The following KANK1 variants were observed in gnomAD, a reference collection of about 807,000 sequenced individuals.
KANK1 encodes the protein KN motif and ankyrin repeat domain-containing protein 1.
Under a neutral mutation model 106.2 loss-of-function variants are expected in KANK1, and 109 were observed. The ratio of observed to expected loss-of-function variants is 1.03; its 90% CI spans 0.88 to 1.20. The LOEUF is 1.20. KANK1 is among the 50% of genes most tolerant of loss of function. The pLI, the probability that KANK1 is intolerant of heterozygous loss-of-function variation, is 0.00. For missense variants in KANK1, 2,399 were observed against 1,710.7 expected, an observed-to-expected ratio of 1.40 and a Z score of -7.10; for synonymous variants, 873 against 652.2, an observed-to-expected ratio of 1.34 and a Z score of -5.16.
chr9:716,259 G>A (rs1589146950), intron 3 of KANK1, among the ~76,000 whole-genome samples: 1 of 152,316 alleles, frequency 6.6e-6, no homozygotes, highest in East Asian at 1.9e-4. Context: ...TTCCTTCACA[G>A]GGTTGTAATG....
intron 1 of KANK1, among the ~76,000 whole-genome samples, chr9:648,391 C>T (rs1840181762): frequency 6.6e-6 from 1 of 152,142 alleles, no homozygotes; most frequent in Non-Finnish European, 1.5e-5. Flanking sequence ...TATTTAAAAA[C>T]TATGCCGTAT....
chr9:597,283 T>C (rs897067782), intron 1 of KANK1, among the ~76,000 whole-genome samples: 15 of 151,868 alleles, frequency 9.9e-5, no homozygotes, highest in Non-Finnish European at 1.5e-4. Context: ...TGTAACCTTT[T>C]TGCAAAACTG....
At chr9:475,061 A>G (rs1459126970) in intron 3 of KANK1, among the ~76,000 whole-genome samples, 4 of 152,172 alleles carry the variant, frequency 2.6e-5, no homozygotes, top group Non-Finnish European at 4.4e-5. Context: ...AGCCAGCACC[A>G]GGGAAAGGCA....
intron 1 of KANK1, among the ~76,000 whole-genome samples, chr9:648,774 G>A (rs1393435592): frequency 6.6e-6 from 1 of 152,146 alleles, no homozygotes; most frequent in Admixed American, 6.5e-5. Context: ...CAATGCATGT[G>A]AAAACACTGT....
At chr9:691,768 C>T (rs1025886481) in intron 2 of KANK1, among the ~76,000 whole-genome samples, 17 of 143,316 alleles carry the variant, frequency 1.2e-4, no homozygotes, top group African/African-American at 4.1e-4. Context: ...GGCAAGCCAG[C>T]ACACCTAGCT....
At chr9:504,834 C>T (rs1338374133) in intron 1 of KANK1, 80 bp downstream of exon 1, 1 of 125,648 alleles carries the variant, frequency 8.0e-6, no homozygotes, top group Non-Finnish European at 1.7e-5. Flanking sequence ...ACCCCTGCCT[C>T]GGGCTGGCCC....
At chr9:552,191 G>A (rs1454506049) in intron 1 of KANK1, among the ~76,000 whole-genome samples, 1 of 152,192 alleles carries the variant, frequency 6.6e-6, no homozygotes, top group Non-Finnish European at 1.5e-5. Context: ...TGCTCTGAGG[G>A]GGAAAAGCGG....
At chr9:633,284 A>G (rs1005646769) in intron 1 of KANK1, among the ~76,000 whole-genome samples, 7 of 152,032 alleles carry the variant, frequency 4.6e-5, no homozygotes, top group South Asian at 2.1e-4. Flanking sequence ...GTGAAATCGC[A>G]TCTCTACTAA....
chr9:642,442 A>G (rs1838689699), intron 1 of KANK1, among the ~76,000 whole-genome samples: 2 of 151,028 alleles, frequency 1.3e-5, no homozygotes, highest in South Asian at 2.1e-4. Flanking sequence ...AAAAACTACA[A>G]GAAGAGTAGA....
chr9:590,367 A>G (rs1824546842), intron 1 of KANK1, among the ~76,000 whole-genome samples: 1 of 152,114 alleles, frequency 6.6e-6, no homozygotes. Context: ...TCCCTTTCTA[A>G]CATTACCATT....
rs1288922648 is a variant in KANK1, at chr9:712,440, AGTC to A, written c.1677_1679del (p.Val560del). 3.1e-6 allele frequency: 5 copies of A among 1,614,204 alleles called. No individual in the cohort carries two copies. Reference sequence around the variant, plus strand: ...CCTGCCAGCCTGAATGTAAGAATAAAGTCGTAGGGCCTGAGCTGCCTATGAATT... The same window carrying A: ...CCTGCCAGCCTGAATGTAAGAATAAAGTAGGGCCTGAGCTGCCTATGAATT... On this transcript the variant is annotated inframe_deletion, in exon 3 of 12. Transcript: ENST00000382297.
At chr9:702,472 G>C (rs1313280925) in intron 2 of KANK1, among the ~76,000 whole-genome samples, 4 of 152,156 alleles carry the variant, frequency 2.6e-5, no homozygotes, top group Admixed American at 2.6e-4. Context: ...ATGGTAAATA[G>C]TAAGTGAAGA....
chr9:577,424 G>T (rs1170571890), intron 1 of KANK1, among the ~76,000 whole-genome samples: 7 of 152,130 alleles, frequency 4.6e-5, no homozygotes, highest in African/African-American at 1.7e-4. Context: ...GCGCTGATTG[G>T]TGCGTTTTTA....
At chr9:506,401 G>T (rs1420536143) in intron 1 of KANK1, among the ~76,000 whole-genome samples, 1 of 152,168 alleles carries the variant, frequency 6.6e-6, no homozygotes, top group African/African-American at 2.4e-5. Context: ...ATTGCCTCCT[G>T]TAGAGACCCA....
intron 1 of KANK1, among the ~76,000 whole-genome samples, chr9:661,896 TG>T (rs1312896601): frequency 2.6e-5 from 4 of 152,044 alleles, no homozygotes; most frequent in African/African-American, 9.7e-5. Context: ...CATTTTTTCA[TG>T]TGTCTGTTGG....
At chr9:647,229 ATTAT>A (rs1467627594) in intron 1 of KANK1, among the ~76,000 whole-genome samples, 2 of 149,292 alleles carry the variant, frequency 1.3e-5, no homozygotes, top group Non-Finnish European at 2.9e-5. Context: ...TATTTACTTG[ATTAT>A]TTATTTACTT....
chr9:476,756 A>C (rs2058111954), intron 3 of KANK1: 1 of 152,222 alleles, frequency 6.6e-6, no homozygotes, highest in African/African-American at 2.4e-5. Context: ...ATTAATAAAT[A>C]ATATTGGTTG....
In KANK1 at chr9:713,005, G is replaced by C. The variant is rs373020730; in HGVS notation, c.2239G>C (p.Gly747Arg). ...GVGTLLSGHS[G>R]FDRPSAVKTK... ...TGGAACGTTGCTTTCTGGCCATTCT[G>C]GGTTTGACAGGCCATCAGCTGTGAA... The change falls in exon 3 of 12, where the codon GGG becomes CGG. Residue 747 changes from glycine to arginine, a missense_variant. Coordinates refer to ENST00000382297, the MANE Select transcript of KANK1 (RefSeq NM_015158.5). 11 of 1,614,178 alleles carry C rather than the reference G, an allele frequency of 6.8e-6. No homozygotes were observed. Among genetic ancestry groups the C allele is most frequent in the African/African-American group, 5.3e-5 (4 of 75,044 alleles).
At chr9:581,008 G>C (rs1055856656) in intron 1 of KANK1, among the ~76,000 whole-genome samples, 2 of 152,070 alleles carry the variant, frequency 1.3e-5, no homozygotes, top group South Asian at 2.1e-4. Flanking sequence ...GCAGCTGCTG[G>C]CTGGAGTGCT....
Sources: allele counts gnomAD v4.1 joint callset (sites outside exome capture counted in the v4.1 genomes callset), GRCh38; gene constraint gnomAD v4.1.1; transcripts MANE v1.5; gene names NCBI Gene and HGNC (gene_info 2026-07-23, HGNC 2026-07-21).